Variants in SLC44A5 observed in about 807,000 individuals in gnomAD.
SLC44A5 encodes solute carrier family 44 member 5, also known as choline transporter-like protein 5.
A neutral mutation model predicts 101.8 loss-of-function variants in SLC44A5; 57 were observed. That is an observed-to-expected ratio of 0.56 (90% confidence interval 0.45 to 0.70). The LOEUF (loss-of-function observed/expected upper bound fraction) is 0.70, where lower values mean the gene tolerates loss of function less well. Among genes scored for constraint, SLC44A5 ranks in the 30% least tolerant of loss-of-function variants. The pLI is 0.00. For missense variants in SLC44A5, 737 were observed against 853.1 expected (o/e 0.86, Z 1.70); for synonymous variants, 281 against 290.9 (o/e 0.97, Z 0.35).
intron 3 of SLC44A5, among the ~76,000 whole-genome samples, chr1:75,378,409 T>A (rs1305711453): frequency 3.4e-5 from 2 of 59,006 alleles, no homozygotes; most frequent in South Asian, 1.2e-3. Flanking sequence ...AACAAGCAGG[T>A]AGGAAGGGTA....
At position 75,234,172 on chromosome 1, in the gene SLC44A5, T is replaced by A; in HGVS notation, c.741-74A>T. 9.5e-6 allele frequency: 9 copies of A among 944,292 alleles called. No homozygotes were observed. In the South Asian group the frequency reaches 1.2e-4, roughly 12 times the overall value. 58.5% of individuals were successfully genotyped at this position (944,292 alleles called of 1,614,324 possible). On this transcript the variant is annotated intron_variant, in intron 11 of 23. Coordinates refer to ENST00000370859, the MANE Select transcript of SLC44A5 (RefSeq NM_001130058.2). Reference sequence around the variant, plus strand: ...CATATTACAAACATCAAGACAAAACTTTTTTTCTATTCAAAATTATTCTTA... The same window carrying A: ...CATATTACAAACATCAAGACAAAACATTTTTTCTATTCAAAATTATTCTTA...
chr1:75,569,252 T>G (rs547658465), intron 1 of SLC44A5, among the ~76,000 whole-genome samples: 1 of 150,778 alleles, frequency 6.6e-6, no homozygotes, highest in South Asian at 2.1e-4. Flanking sequence ...TTTTTTTTTT[T>G]TTTTTTGAGA....
intron 2 of SLC44A5, among the ~76,000 whole-genome samples, chr1:75,401,982 C>G (rs746194672): frequency 6.6e-5 from 10 of 151,738 alleles, no homozygotes; most frequent in Non-Finnish European, 1.5e-4. Flanking sequence ...AGAGAAAGGG[C>G]TAAAAAATGT....
intron 2 of SLC44A5, among the ~76,000 whole-genome samples, chr1:75,530,980 T>C (rs1305373650): frequency 6.6e-6 from 1 of 152,166 alleles, no homozygotes; most frequent in Non-Finnish European, 1.5e-5. Flanking sequence ...AAGTGTAAGG[T>C]GCTTTCCTGC....
intron 4 of SLC44A5, among the ~76,000 whole-genome samples, chr1:75,324,589 C>T (rs1205618575): frequency 6.6e-6 from 1 of 152,098 alleles, no homozygotes; most frequent in Non-Finnish European, 1.5e-5. Flanking sequence ...TGCATGCGTA[C>T]ATCATGAGGT....
At chr1:75,539,141 T>C (rs753262635) in intron 2 of SLC44A5, among the ~76,000 whole-genome samples, 5 of 152,208 alleles carry the variant, frequency 3.3e-5, no homozygotes, top group Non-Finnish European at 7.3e-5. Context: ...ATTGTTATTA[T>C]TATCCATCAA....
chr1:75,681,839 G>T, the SLC44A5 span, among the ~76,000 whole-genome samples: 25 of 152,144 alleles, frequency 1.6e-4, no homozygotes, highest in African/African-American at 6.0e-4. Context: ...CAGATGACAT[G>T]ATTGCATATC....
chr1:75,427,637 A>G (rs1185369334), intron 2 of SLC44A5, among the ~76,000 whole-genome samples: 1 of 152,246 alleles, frequency 6.6e-6, no homozygotes. Context: ...CTCTGCAGCC[A>G]GACTGCCTAG....
At chr1:75,214,297 A>G (rs1389656281) in intron 20 of SLC44A5, among the ~76,000 whole-genome samples, 3 of 151,934 alleles carry the variant, frequency 2.0e-5, no homozygotes, top group South Asian at 4.2e-4. Context: ...TTGTTCACTC[A>G]GGCTCCACCA....
the SLC44A5 span, among the ~76,000 whole-genome samples, chr1:75,684,979 A>G: frequency 6.6e-6 from 1 of 152,190 alleles, no homozygotes; most frequent in Non-Finnish European, 1.5e-5. Flanking sequence ...CTGCCTAGAC[A>G]TCCAGGCATT....
chr1:75,613,746 G>C (rs1675752578), upstream of SLC44A5, among the ~76,000 whole-genome samples: 7 of 152,210 alleles, frequency 4.6e-5, no homozygotes, highest in South Asian at 1.4e-3. Flanking sequence ...ACACTTAACT[G>C]CTATTCTTCA....
intron 2 of SLC44A5, among the ~76,000 whole-genome samples, chr1:75,504,511 T>G (rs1669141039): frequency 6.6e-6 from 1 of 152,176 alleles, no homozygotes; most frequent in South Asian, 2.1e-4. Flanking sequence ...TGAAAATTTA[T>G]ACCTCAATCA....
intron 5 of SLC44A5, among the ~76,000 whole-genome samples, chr1:75,287,426 C>CTTTTTTTTTTTTTTTTTTTTTTTTT (rs371647505): frequency 2.9e-5 from 2 of 69,910 alleles, no homozygotes. Flanking sequence ...CTTCTGAATT[C>CTTTTTTTTTTTTTTTTTTTTTTTTT]TTTTTTTTTT....
At chr1:75,590,679 G>T (rs1427078252) in intron 1 of SLC44A5, among the ~76,000 whole-genome samples, 1 of 152,208 alleles carries the variant, frequency 6.6e-6, no homozygotes, top group Non-Finnish European at 1.5e-5. Flanking sequence ...AGTCCTCATG[G>T]CCAGGGGTGG....
chr1:75,368,670 CACCA>C (rs1014332228), intron 3 of SLC44A5, among the ~76,000 whole-genome samples: 71 of 148,938 alleles, frequency 4.8e-4, no homozygotes, highest in African/African-American at 1.6e-3. Context: ...CACACACACA[CACCA>C]CACTCAAATT....
chr1:75,438,906 C>CAAT (rs1557784104), intron 2 of SLC44A5, among the ~76,000 whole-genome samples: 1 of 152,066 alleles, frequency 6.6e-6, no homozygotes, highest in African/African-American at 2.4e-5. Context: ...AAAATAAAGT[C>CAAT]AAAGTCTTTT....
chr1:75,266,664 T>C (rs1228987618), intron 6 of SLC44A5, among the ~76,000 whole-genome samples: 3 of 152,236 alleles, frequency 2.0e-5, no homozygotes, highest in Non-Finnish European at 4.4e-5. Context: ...GACCTCCACT[T>C]TGGGAGCAAA....
chr1:75,360,010 A>T (rs1327115793), intron 3 of SLC44A5, among the ~76,000 whole-genome samples: 1 of 151,968 alleles, frequency 6.6e-6, no homozygotes, highest in Non-Finnish European at 1.5e-5. Flanking sequence ...GTTTTAATTG[A>T]GTTACTTGTT....
At chr1:75,682,513 C>A in the SLC44A5 span, among the ~76,000 whole-genome samples, 2 of 151,824 alleles carry the variant, frequency 1.3e-5, no homozygotes, top group Non-Finnish European at 2.9e-5. Context: ...GAAAGGATTC[C>A]CTATTTAATA....
Sources: gnomAD v4.1 joint callset for allele counts (sites outside exome capture counted in the v4.1 genomes callset) on GRCh38, gnomAD v4.1.1 for gene constraint, MANE v1.5 for transcripts, NCBI Gene and HGNC (gene_info 2026-07-23, HGNC 2026-07-21) for gene names.